The following BICC1 variants were observed in gnomAD, a reference collection of about 807,000 sequenced individuals.
The protein encoded by BICC1 is protein bicaudal C homolog 1.
BICC1 carries 43 observed loss-of-function variants against 111.0 expected under a neutral mutation model. The ratio of observed to expected loss-of-function variants is 0.39; its 90% confidence interval spans 0.30 to 0.50. The LOEUF (loss-of-function observed/expected upper bound fraction) is 0.50. Among genes scored for constraint, BICC1 ranks in the 20% least tolerant of loss-of-function variants. BICC1 has a pLI of 0.88. For missense variants in BICC1, 1,091 were observed against 1,203.2 expected, an observed-to-expected ratio of 0.91 and a Z score of 1.38; for synonymous variants, 467 against 434.4, an observed-to-expected ratio of 1.07 and a Z score of -0.93.
At chr10:58,521,238 G>A (rs1842378711) in intron 1 of BICC1, among the ~76,000 whole-genome samples, 1 of 151,954 alleles carries the variant, frequency 6.6e-6, no homozygotes, top group Admixed American at 6.6e-5. Flanking sequence ...ATGTGGCCTG[G>A]GACAAATTAA....
At chr10:58,604,338 A>G (rs1185268389) in intron 1 of BICC1, among the ~76,000 whole-genome samples, 2 of 152,222 alleles carry the variant, frequency 1.3e-5, no homozygotes, top group African/African-American at 4.8e-5. Flanking sequence ...ATCTTTAAAA[A>G]TAAAATGTAA....
At chr10:58,518,398 T>C (rs746167918) in intron 1 of BICC1, among the ~76,000 whole-genome samples, 1 of 152,120 alleles carries the variant, frequency 6.6e-6, no homozygotes, top group Non-Finnish European at 1.5e-5. Flanking sequence ...TTGTGAATGC[T>C]GAGTGTGAGA....
intron 2 of BICC1, among the ~76,000 whole-genome samples, chr10:58,662,883 C>A (rs1474607371): frequency 2.0e-5 from 3 of 152,032 alleles, no homozygotes; most frequent in African/African-American, 7.2e-5. Context: ...TTGTTGTCAT[C>A]ACTTTTCTGA....
At chr10:58,776,773 C>T (rs879420273) in intron 3 of BICC1, among the ~76,000 whole-genome samples, 3 of 152,188 alleles carry the variant, frequency 2.0e-5, no homozygotes, top group Admixed American at 6.5e-5. Context: ...ACAAACCATT[C>T]TAATGATTCC....
At chr10:58,666,167 C>CA (rs1302221480) in intron 2 of BICC1, among the ~76,000 whole-genome samples, 2 of 152,010 alleles carry the variant, frequency 1.3e-5, no homozygotes, top group Non-Finnish European at 2.9e-5. Context: ...AATTTATAGA[C>CA]AAAAAAACGT....
chr10:58,786,972 A>T lies in BICC1; in HGVS notation c.437A>T (p.His146Leu). The change falls in exon 5 of 21, where the codon CAT (histidine) becomes CTT (leucine). Residue 146 changes from histidine to leucine, a missense_variant. This residue lies in a region of BICC1 where 843 missense variants were observed against 900.8 expected (regional missense o/e 0.94). Coordinates refer to ENST00000373886, the MANE Select transcript of BICC1 (RefSeq NM_001080512.3). ...KMDVSHTEHS[H>L]VIGKGGNNIK... ...GATGTTTCACATACAGAACATTCAC[A>T]TGTAATCGGCAAAGGTGGCAACAAT... 1.2e-6 allele frequency: 2 copies of T among 1,609,610 alleles called. No individual in the cohort carries two copies. Among genetic ancestry groups the T allele is most frequent in the South Asian group, 1.1e-5 (1 of 90,208 alleles).
intron 1 of BICC1, among the ~76,000 whole-genome samples, chr10:58,566,900 C>A (rs1467360354): frequency 1.3e-5 from 2 of 152,246 alleles, no homozygotes; most frequent in Middle Eastern, 3.4e-3. Flanking sequence ...CCACAGCTAA[C>A]CAGAAGTGAC....
chr10:58,682,524 C>A (rs1319829578), intron 2 of BICC1, among the ~76,000 whole-genome samples: 1 of 152,300 alleles, frequency 6.6e-6, no homozygotes, highest in Non-Finnish European at 1.5e-5. Context: ...TCCTCTCCAG[C>A]ACCTGTTGTT....
chr10:58,676,454 A>G lies in BICC1; in HGVS notation c.238-25620A>G, dbSNP rs748377686. On this transcript the variant is annotated intron_variant, in intron 2 of 20. Coordinates refer to ENST00000373886, the MANE Select transcript of BICC1 (RefSeq NM_001080512.3). ...CTTGGTAGGGGGAAGGGCATCCGCC[A>G]TTACTGAGGCTTACGCAAAGCTTCT... Among the ~76,000 whole-genome samples the G allele has an allele frequency of 7.8e-4, 118 of 152,146 alleles. 1 individual carries two copies. Among genetic ancestry groups the G allele is most frequent in the Non-Finnish European group, 1.1e-3 (72 of 68,026 alleles).
chr10:58,552,421 C>T (rs868367916), intron 1 of BICC1, among the ~76,000 whole-genome samples: 13 of 151,836 alleles, frequency 8.6e-5, no homozygotes, highest in East Asian at 1.9e-4. Context: ...CTGCAAGCTC[C>T]GCCTCCCGGG....
intron 2 of BICC1, among the ~76,000 whole-genome samples, chr10:58,659,016 A>G (rs1484531923): frequency 6.6e-6 from 1 of 152,190 alleles, no homozygotes; most frequent in Non-Finnish European, 1.5e-5. Context: ...ACGTACGTAT[A>G]TCTATGACTA....
In BICC1 at chr10:58,760,942, G is replaced by A. The variant is rs373687452; in HGVS notation, c.308-24059G>A. 2.6e-5 allele frequency among the ~76,000 whole-genome samples: 4 copies of A among 152,252 alleles called. No individual in the cohort carries two copies. The South Asian group carries it at 8.3e-4, about 32-fold the overall frequency. On this transcript the variant is annotated intron_variant, in intron 3 of 20. Transcript: ENST00000373886. ...TGCCAGAATCAGAGGACCCCAAAGG[G>A]TGTTCTCTAGACAATGCATTGTTTT...
At chr10:58,646,551 G>A (rs1299795641) in intron 2 of BICC1, among the ~76,000 whole-genome samples, 1 of 152,110 alleles carries the variant, frequency 6.6e-6, no homozygotes, top group Non-Finnish European at 1.5e-5. Context: ...ATTTCCTTCT[G>A]CATGTATAAC....
At chr10:58,802,942 T>C (rs1187379084) in intron 14 of BICC1, 135 bp from the exon 15 acceptor site, 1 of 832,572 alleles carries the variant, frequency 1.2e-6, no homozygotes, top group Non-Finnish European at 1.7e-6. Context: ...CATAGCATTG[T>C]TGTGAGGATT....
chr10:58,750,478 A>G (rs1841955188), intron 3 of BICC1, among the ~76,000 whole-genome samples: 1 of 152,116 alleles, frequency 6.6e-6, no homozygotes, highest in Non-Finnish European at 1.5e-5. Flanking sequence ...GTTCATAAGA[A>G]CTCTAAGATT....
At chr10:58,693,188 A>T (rs973111132) in intron 2 of BICC1, among the ~76,000 whole-genome samples, 2 of 152,090 alleles carry the variant, frequency 1.3e-5, no homozygotes, top group African/African-American at 2.4e-5. Context: ...AAGGACGTGA[A>T]CTCATCATTT....
chr10:58,736,378 G>GA (rs369807062), intron 3 of BICC1, among the ~76,000 whole-genome samples: 1 of 1,934 alleles, frequency 5.2e-4, no homozygotes, highest in South Asian at 0.056. Context: ...TCTTCTCTCA[G>GA]AAAAAACAAC....
At chr10:58,667,841 C>G (rs1321259480) in intron 2 of BICC1, among the ~76,000 whole-genome samples, 1 of 152,026 alleles carries the variant, frequency 6.6e-6, no homozygotes, top group Non-Finnish European at 1.5e-5. Flanking sequence ...TAACTCATAG[C>G]TAGGTGATCT....
intron 3 of BICC1, among the ~76,000 whole-genome samples, chr10:58,721,858 A>G (rs1840949406): frequency 6.6e-6 from 1 of 152,206 alleles, no homozygotes; most frequent in African/African-American, 2.4e-5. Flanking sequence ...GTTAAGGAGC[A>G]TTGATGATTG....
Sources: allele counts gnomAD v4.1 joint callset (sites outside exome capture counted in the v4.1 genomes callset), GRCh38; gene constraint gnomAD v4.1.1; regional missense constraint gnomAD v4.1.1; transcripts MANE v1.5; gene names NCBI Gene and HGNC (gene_info 2026-07-23, HGNC 2026-07-21).